Variants in KIF13B observed in about 807,000 individuals in gnomAD.
The protein encoded by KIF13B is kinesin-like protein KIF13B.
KIF13B carries 127 observed loss-of-function variants against 222.0 expected under a neutral mutation model. That is an observed-to-expected ratio of 0.57 (90% CI 0.50 to 0.66). The LOEUF is 0.66. Ranked by LOEUF, KIF13B falls within the 30% of genes least tolerant of loss-of-function variation. KIF13B has a pLI of 0.00. For missense variants in KIF13B, 2,173 were observed against 2,379.0 expected (o/e 0.91, Z 1.80); for synonymous variants, 976 against 919.0 (o/e 1.06, Z -1.12).
Position 29,147,402 on chromosome 8 carries a change from C to A in KIF13B, c.2014G>T (p.Ala672Ser). The A allele has an allele frequency of 6.2e-7, 1 of 1,604,104 alleles. No individual in the cohort carries two copies. The highest frequency in any genetic ancestry group is 1.1e-5 in the South Asian group (1 of 89,076). The change falls in exon 17 of 40, where the codon GCT becomes TCT. Residue 672 changes from alanine (A) to serine (S), a missense_variant. Ala to Ser is a moderately conservative substitution (Grantham distance 99). Coordinates refer to ENST00000524189, the MANE Select transcript of KIF13B (RefSeq NM_015254.4). ...PSAQQRLRQW[A>S]EEREATLNNS... ...CTCTGTGCCGCCTACCTCTCCTCAG[C>A]CCACTGTCTTAAGCGTTGCTGAGCG...
At chr8:29,106,233 G>C (rs1346864084) in intron 35 of KIF13B, among the ~76,000 whole-genome samples, 1 of 152,146 alleles carries the variant, frequency 6.6e-6, no homozygotes, top group Non-Finnish European at 1.5e-5. Flanking sequence ...AGAAACCCGT[G>C]TCCATGCAGG....
chr8:29,192,187 G>A (rs1171205686), intron 3 of KIF13B, among the ~76,000 whole-genome samples: 1 of 152,082 alleles, frequency 6.6e-6, no homozygotes, highest in Non-Finnish European at 1.5e-5. Context: ...CAATGTTGGT[G>A]GCCAAAAACT....
Position 29,071,301 on chromosome 8 carries a change from G to A in KIF13B, c.5218+319C>T, listed in dbSNP as rs1485042165. On this transcript the variant is annotated intron_variant, in intron 39 of 39. Coordinates refer to ENST00000524189, the MANE Select transcript of KIF13B (RefSeq NM_015254.4). The surrounding 1 kb of genome is among the most constrained non-coding windows in gnomAD (Gnocchi z 4.9). Reference sequence around the variant, plus strand: ...CGGCAAAGGGGAGATGCTCTAAGGTGAAGGATGAGAAAGCAGAGCCCAGGG... The same window carrying A: ...CGGCAAAGGGGAGATGCTCTAAGGTAAAGGATGAGAAAGCAGAGCCCAGGG... Among the ~76,000 whole-genome samples the A allele has an allele frequency of 6.6e-6, 1 of 152,192 alleles. No homozygotes were observed. Among genetic ancestry groups the A allele is most frequent in the Non-Finnish European group, 1.5e-5 (1 of 68,026 alleles).
chr8:29,123,585 T>C, intron 27 of KIF13B, 93 bp from the exon 28 acceptor site: 1 of 1,510,858 alleles, frequency 6.6e-7, no homozygotes, highest in Non-Finnish European at 9.1e-7. Flanking sequence ...TATATTTCAA[T>C]TATTAGCTCA....
intron 29 of KIF13B, among the ~76,000 whole-genome samples, chr8:29,121,341 C>T (rs1182856378): frequency 1.4e-4 from 8 of 55,796 alleles, no homozygotes; most frequent in Non-Finnish European, 2.8e-4. Flanking sequence ...CAGCATGGTA[C>T]TGGTACCAAA....
intron 37 of KIF13B, among the ~76,000 whole-genome samples, chr8:29,087,325 T>C (rs1027752656): frequency 6.6e-6 from 1 of 152,180 alleles, no homozygotes; most frequent in Admixed American, 6.5e-5. Context: ...AATATTTCAA[T>C]AGTCTCAAAC....
chr8:29,155,906 C>T lies in KIF13B; in HGVS notation c.1405-50G>A, dbSNP rs370166468. The T allele has an allele frequency of 2.9e-6, 4 of 1,401,632 alleles. No individual in the cohort carries two copies. The African/African-American group carries it at 4.3e-5, about 15-fold the overall frequency. The allele number at this position is 1,401,632 out of a possible 1,614,324, so 86.8% of individuals were successfully genotyped here. A position where few individuals can be genotyped will look rare whatever the true frequency, so the allele number is the denominator to read the frequency against. ...TTAATACTGTATTCTTACATATACA[C>T]AATTGAAATCATTTACACTGAGCCC... On this transcript the variant is annotated intron_variant, in intron 13 of 39. Coordinates refer to ENST00000524189, the MANE Select transcript of KIF13B (RefSeq NM_015254.4).
intron 25 of KIF13B, 110 bp downstream of exon 25, chr8:29,127,012 A>T (rs1167456032): frequency 2.1e-6 from 2 of 954,930 alleles, no homozygotes; most frequent in East Asian, 5.2e-5. Context: ...AGGTAAACAA[A>T]GAGATTCACG....
chr8:29,138,833 G>A (rs1810681264), intron 21 of KIF13B, among the ~76,000 whole-genome samples: 1 of 152,006 alleles, frequency 6.6e-6, no homozygotes, highest in African/African-American at 2.4e-5. Context: ...AGCATACCAG[G>A]GCCTAAAGAC....
chr8:29,103,523 A>C (rs1236326781), intron 35 of KIF13B, among the ~76,000 whole-genome samples: 1 of 152,064 alleles, frequency 6.6e-6, no homozygotes, highest in Non-Finnish European at 1.5e-5. Context: ...CAGGGATCAT[A>C]TTTTATATTT....
chr8:29,248,521 A>G (rs921106601), intron 1 of KIF13B, among the ~76,000 whole-genome samples: 3 of 151,680 alleles, frequency 2.0e-5, no homozygotes, highest in Non-Finnish European at 4.4e-5. Flanking sequence ...GCAGCAGAGA[A>G]GAGAAGGACA....
intron 1 of KIF13B, among the ~76,000 whole-genome samples, chr8:29,255,697 G>A (rs1816448872): frequency 1.3e-5 from 2 of 152,112 alleles, no homozygotes; most frequent in Middle Eastern, 3.4e-3. Context: ...TCACTCCTCA[G>A]CCCACTGCCA....
intron 10 of KIF13B, among the ~76,000 whole-genome samples, chr8:29,171,945 A>G (rs2130201612): frequency 6.6e-6 from 1 of 151,436 alleles, no homozygotes; most frequent in East Asian, 1.9e-4. Flanking sequence ...TTTAGTAGAG[A>G]TGGGGTTTCA....
intron 37 of KIF13B, among the ~76,000 whole-genome samples, chr8:29,077,940 A>G (rs7000444): frequency 0.57 from 87,068 of 151,452 alleles, 26,230 homozygotes; most frequent in Non-Finnish European, 0.68. Flanking sequence ...GGGAACACAT[A>G]AGCAAATCAC....
At chr8:29,153,464 G>C (rs966012486) in intron 14 of KIF13B, among the ~76,000 whole-genome samples, 8 of 150,824 alleles carry the variant, frequency 5.3e-5, no homozygotes, top group African/African-American at 2.0e-4. Flanking sequence ...CAACAGAAGT[G>C]GTGGGTAGAA....
At chr8:29,170,327 C>T (rs186481246) in intron 10 of KIF13B, among the ~76,000 whole-genome samples, 10 of 152,250 alleles carry the variant, frequency 6.6e-5, no homozygotes, top group South Asian at 2.1e-4. Context: ...CCCAGGAAAA[C>T]GACAGACTTT....
chr8:29,087,763 C>T (rs936311494), intron 37 of KIF13B, among the ~76,000 whole-genome samples: 1 of 152,068 alleles, frequency 6.6e-6, no homozygotes, highest in East Asian at 1.9e-4. Flanking sequence ...TGTAGAATGA[C>T]GAAGCGTTTC....
intron 37 of KIF13B, among the ~76,000 whole-genome samples, chr8:29,085,585 T>C (rs1036729854): frequency 9.2e-5 from 14 of 151,834 alleles, no homozygotes; most frequent in Non-Finnish European, 2.1e-4. Context: ...TTGCCCAGGC[T>C]GGTCTCGAAC....
intron 21 of KIF13B, among the ~76,000 whole-genome samples, chr8:29,136,016 C>T (rs1372267960): frequency 6.6e-6 from 1 of 152,094 alleles, no homozygotes; most frequent in Non-Finnish European, 1.5e-5. Flanking sequence ...CAGGAACCCC[C>T]GTTATAATTC....
Sources: allele counts gnomAD v4.1 joint callset (sites outside exome capture counted in the v4.1 genomes callset), GRCh38; gene constraint gnomAD v4.1.1; non-coding constraint Gnocchi (gnomAD v3.1); transcripts MANE v1.5; gene names NCBI Gene and HGNC (gene_info 2026-07-23, HGNC 2026-07-21).